Variants in INO80D observed in about 807,000 individuals in gnomAD.
The protein encoded by INO80D is INO80 complex subunit D.
A neutral mutation model predicts 87.6 loss-of-function variants in INO80D; 21 were observed. That is an observed-to-expected ratio of 0.24 (90% confidence interval 0.17 to 0.35). The LOEUF (loss-of-function observed/expected upper bound fraction) is 0.35. INO80D is among the 10% of genes least tolerant of loss of function. The pLI is 1.00. For synonymous variants in INO80D, 440 were observed against 491.0 expected, an observed-to-expected ratio of 0.90 and a Z score of 1.37; for missense variants, 982 against 1,280.7, an observed-to-expected ratio of 0.77 and a Z score of 3.56.
At position 206,056,439 on chromosome 2, in the gene INO80D, T is replaced by C. The variant is rs779326190; in HGVS notation, c.723A>G (p.Pro241=). The C allele has an allele frequency of 6.2e-7, 1 of 1,613,876 alleles. No homozygotes were observed. Among genetic ancestry groups the C allele is most frequent in the Non-Finnish European group, 8.5e-7 (1 of 1,179,874 alleles). Residue 241 remains proline, a synonymous_variant, in exon 4 of 11, where the codon CCA becomes CCG. Coordinates refer to ENST00000403263, the MANE Select transcript of INO80D (RefSeq NM_017759.5). ...GTGTGGTGGGTGCCACTCCCTGCAT[T>C]GGTAGGCTGGTGTTCTGAGGTTGAG... ...KSPQPQNTSL[P]MQGVAPTTHT...
chr2:206,008,172 C>T (rs755357325), intron 9 of INO80D, among the ~76,000 whole-genome samples: 35 of 151,892 alleles, frequency 2.3e-4, no homozygotes, highest in Non-Finnish European at 4.9e-4. Context: ...TTAGTAGAGA[C>T]GGGGTTTACC....
At chr2:206,084,814 A>G (rs1690391283) in intron 1 of INO80D, 1 of 152,252 alleles carries the variant, frequency 6.6e-6, no homozygotes, top group African/African-American at 2.4e-5. Context: ...GGCAATAGGG[A>G]AAGATTGTCC....
intron 1 of INO80D, among the ~76,000 whole-genome samples, chr2:206,066,297 T>C (rs1689814280): frequency 6.6e-6 from 1 of 151,824 alleles, no homozygotes; most frequent in African/African-American, 2.4e-5. Flanking sequence ...TGAAGGTTCC[T>C]CAAAGAGCTA....
At position 206,005,468 on chromosome 2, in the gene INO80D, C is replaced by G. The variant is rs1418370000; in HGVS notation, c.1984G>C (p.Val662Leu). 1 of 1,613,942 alleles carries G rather than the reference C, an allele frequency of 6.2e-7. No homozygotes were observed. The change falls in exon 11 of 11, where the codon GTA (valine) becomes CTA (leucine). Residue 662 changes from valine to leucine, a missense_variant. Physicochemically the swap from Val to Leu is conservative, Grantham distance 32. Transcript: ENST00000403263. ...GTACTCAGGCACTCGAGAGAAGTTA[C>G]AGCCTGCAAGGCCCGTTCAAGCTCC... is the stretch of plus-strand genomic sequence containing the variant. ...AEELERALQA[V>L]TSLECLSTIG...
At chr2:206,065,334 G>A (rs1689786178) in intron 1 of INO80D, among the ~76,000 whole-genome samples, 1 of 152,122 alleles carries the variant, frequency 6.6e-6, no homozygotes, top group African/African-American at 2.4e-5. Flanking sequence ...GCTAGGCATG[G>A]TCATGCATGC....
At chr2:206,074,849 G>C (rs1286403742) in intron 1 of INO80D, among the ~76,000 whole-genome samples, 2 of 151,998 alleles carry the variant, frequency 1.3e-5, no homozygotes, top group African/African-American at 4.8e-5. Flanking sequence ...TGAGGCAGGA[G>C]AATCGCTTAA....
intron 4 of INO80D, among the ~76,000 whole-genome samples, chr2:206,051,491 G>A (rs1689369974): frequency 6.6e-6 from 1 of 151,894 alleles, no homozygotes; most frequent in African/African-American, 2.4e-5. Flanking sequence ...ATATATGGAT[G>A]GAAGAAGTGA....
intron 1 of INO80D, among the ~76,000 whole-genome samples, chr2:206,070,723 A>AT (rs941728574): frequency 1.3e-5 from 2 of 152,152 alleles, no homozygotes; most frequent in Non-Finnish European, 2.9e-5. Flanking sequence ...TCAAAAAAAA[A>AT]GAAAAAAGAA....
chr2:206,028,371 A>G (rs775274446), intron 5 of INO80D, 36 bp from the exon 6 acceptor site: 1 of 1,491,978 alleles, frequency 6.7e-7, no homozygotes, highest in Admixed American at 1.9e-5. Flanking sequence ...AAAACTGATT[A>G]CACATTAGGC....
chr2:206,063,861 A>G (rs868745424), intron 1 of INO80D, among the ~76,000 whole-genome samples: 9 of 152,260 alleles, frequency 5.9e-5, no homozygotes, highest in Middle Eastern at 6.8e-3. Flanking sequence ...TGCTATACTC[A>G]TTTTCAGAAC....
Position 206,056,583 on chromosome 2 carries a change from G to A in INO80D, c.579C>T (p.His193=). ...ETEILKVRQE[H]FSPPPAPSQQ... The stretch of plus-strand genomic sequence containing the variant: ...GTGAAGGTGCAGGAGGGGGACTAAA[G>A]TGCTCTTGTCGAACTTTTAAAATCT... The change falls in exon 4 of 11, where the codon CAC becomes CAT. Residue 193 remains histidine (H), a synonymous_variant. Coordinates refer to ENST00000403263, the MANE Select transcript of INO80D (RefSeq NM_017759.5). The A allele has an allele frequency of 6.2e-7, 1 of 1,611,606 alleles. No individual in the cohort carries two copies.
chr2:206,053,827 G>A (rs1210957226), intron 4 of INO80D, among the ~76,000 whole-genome samples: 1 of 150,188 alleles, frequency 6.7e-6, no homozygotes, highest in East Asian at 2.0e-4. Flanking sequence ...ACACATCCCG[G>A]TCAAAAGATA....
intron 8 of INO80D, among the ~76,000 whole-genome samples, chr2:206,011,877 T>C (rs959427335): frequency 3.3e-5 from 5 of 152,052 alleles, no homozygotes; most frequent in Non-Finnish European, 5.9e-5. Context: ...GGCAGACAAA[T>C]GTTAGGAAGA....
At chr2:206,037,877 T>C (rs1355730861) in intron 5 of INO80D, among the ~76,000 whole-genome samples, 1 of 152,224 alleles carries the variant, frequency 6.6e-6, no homozygotes, top group Non-Finnish European at 1.5e-5. Context: ...TATGTATACA[T>C]AATGGAATGC....
chr2:206,047,068 C>T (rs865840219), intron 4 of INO80D, among the ~76,000 whole-genome samples: 5 of 152,112 alleles, frequency 3.3e-5, no homozygotes, highest in Non-Finnish European at 7.4e-5. Context: ...CGTGAGCCAC[C>T]GCCTGGCCAC....
chr2:206,073,666 A>C (rs1223754949), intron 1 of INO80D, among the ~76,000 whole-genome samples: 1 of 152,024 alleles, frequency 6.6e-6, no homozygotes, highest in East Asian at 1.9e-4. Flanking sequence ...AGCACATGCC[A>C]CCACGCCCAG....
At chr2:206,021,823 G>A (rs1688472863) in intron 6 of INO80D, among the ~76,000 whole-genome samples, 3 of 151,372 alleles carry the variant, frequency 2.0e-5, no homozygotes, top group South Asian at 2.1e-4. Flanking sequence ...CATGTTGGCT[G>A]GGCTGGTCTT....
rs1027892779 is a variant in INO80D at position 206,014,634 on chromosome 2, C to CTT, written c.1542+3044_1542+3045dup. On this transcript the variant is annotated intron_variant, in intron 8 of 10. Coordinates refer to ENST00000403263, the MANE Select transcript of INO80D (RefSeq NM_017759.5). ...TGGAACTGTGAATCCAATTAAACCT[C>CTT]TTTTTTTTTTTAAATTGCCCAGTCT... 3.0e-4 allele frequency among the ~76,000 whole-genome samples: 45 copies of CTT among 147,818 alleles called. No homozygotes were observed. In the East Asian group the frequency reaches 6.9e-3, roughly 23 times the overall value.
At position 206,005,192 on chromosome 2, in the gene INO80D, C is replaced by G; in HGVS notation, c.2260G>C (p.Gly754Arg). 1 of 1,613,932 alleles carries G rather than the reference C, an allele frequency of 6.2e-7. No individual in the cohort carries two copies. The highest frequency in any genetic ancestry group is 8.5e-7 in the Non-Finnish European group (1 of 1,179,876). Residue 754 changes from glycine (G) to arginine (R), a missense_variant, in exon 11 of 11, where the codon GGG (glycine) becomes CGG (arginine). Transcript: ENST00000403263. ...ACGTTGGCTGGGGCAGAGAACTGCC[C>G]CTGGATCTGCCCTGCCAGGGGTGTA... ...PPTPLAGQIQ[G>R]QFSAPANVGL...
Sources: allele counts gnomAD v4.1 joint callset (sites outside exome capture counted in the v4.1 genomes callset), GRCh38; gene constraint gnomAD v4.1.1; transcripts MANE v1.5; gene names NCBI Gene and HGNC (gene_info 2026-07-23, HGNC 2026-07-21).